Variants in FBXW11 observed in about 807,000 individuals in gnomAD.
The protein encoded by FBXW11 is F-box and WD repeat domain containing 11, also known as F-box/WD repeat-containing protein 11.
In FBXW11, 19 loss-of-function variants were observed where a neutral mutation model predicts 77.6. The ratio of observed to expected loss-of-function variants is 0.24; its 90% confidence interval spans 0.17 to 0.36. The LOEUF is 0.36. Ranked by LOEUF, FBXW11 falls within the 10% of genes least tolerant of loss-of-function variation. FBXW11 has a pLI of 1.00. For synonymous variants in FBXW11, 235 were observed against 249.4 expected (o/e 0.94, Z 0.54); for missense variants, 334 against 704.2 (o/e 0.47, Z 5.95).
At chr5:171,974,804 G>C (rs1764731644) in intron 1 of FBXW11, among the ~76,000 whole-genome samples, 1 of 152,104 alleles carries the variant, frequency 6.6e-6, no homozygotes, top group African/African-American at 2.4e-5. Flanking sequence ...CTAACACTAT[G>C]TGACCTCTTT....
At chr5:171,992,466 G>A (rs1478051505) in intron 1 of FBXW11, among the ~76,000 whole-genome samples, 4 of 148,438 alleles carry the variant, frequency 2.7e-5, no homozygotes, top group Admixed American at 6.8e-5. Context: ...GAGAGAGGAA[G>A]AACGAAAGAA....
At chr5:171,917,505 T>C (rs1353992966) in intron 2 of FBXW11, among the ~76,000 whole-genome samples, 1 of 152,154 alleles carries the variant, frequency 6.6e-6, no homozygotes, top group Non-Finnish European at 1.5e-5. Flanking sequence ...TAAAGAAGGC[T>C]AGACATACAA....
chr5:171,956,063 A>G (rs146252202), intron 2 of FBXW11, among the ~76,000 whole-genome samples: 4 of 152,294 alleles, frequency 2.6e-5, no homozygotes, highest in African/African-American at 9.6e-5. Context: ...CTCACTAACA[A>G]CTACAATTTT....
At chr5:171,952,447 A>ATATATATATATATAT (rs1200841290) in intron 2 of FBXW11, among the ~76,000 whole-genome samples, 1 of 6,942 alleles carries the variant, frequency 1.4e-4, no homozygotes, top group Non-Finnish European at 3.2e-4. Flanking sequence ...ATATATATAT[A>ATATATATATATATAT]TTTTTTTTTT....
chr5:171,954,284 A>G (rs1763507410), intron 2 of FBXW11, among the ~76,000 whole-genome samples: 1 of 152,222 alleles, frequency 6.6e-6, no homozygotes, highest in Non-Finnish European at 1.5e-5. Flanking sequence ...CATCCAGATT[A>G]TGTTCCTAAC....
chr5:171,994,996 C>A (rs925610543), intron 1 of FBXW11, among the ~76,000 whole-genome samples: 67 of 152,070 alleles, frequency 4.4e-4, no homozygotes, highest in African/African-American at 1.5e-3. Context: ...CACAATCTCA[C>A]CAGAGGAGAA....
intron 1 of FBXW11, among the ~76,000 whole-genome samples, chr5:171,958,091 T>C: frequency 6.6e-6 from 1 of 152,210 alleles, no homozygotes; most frequent in Non-Finnish European, 1.5e-5. Flanking sequence ...CATCGTTGTT[T>C]AAGAACCTAC....
Position 171,956,821 on chromosome 5 carries a change from A to G in FBXW11, c.147+776T>C, listed in dbSNP as rs984038920. Reference sequence around the variant, plus strand: ...AACTGAATATTGCTACTGAAACCATATTTAATTAAACACATGCTTGCTCAG... The same window carrying G: ...AACTGAATATTGCTACTGAAACCATGTTTAATTAAACACATGCTTGCTCAG... On this transcript the variant is annotated intron_variant, in intron 2 of 13. Coordinates refer to ENST00000517395, the MANE Select transcript of FBXW11 (RefSeq NM_001378974.1). Among the ~76,000 whole-genome samples, 8 of 152,202 alleles carry G rather than the reference A, an allele frequency of 5.3e-5. No individual in the cohort carries two copies. In the South Asian group the frequency reaches 6.2e-4, roughly 12 times the overall value.
chr5:171,984,404 G>A (rs1429170708), intron 1 of FBXW11, among the ~76,000 whole-genome samples: 2 of 152,198 alleles, frequency 1.3e-5, no homozygotes, highest in Non-Finnish European at 2.9e-5. Flanking sequence ...ACAGTAGCCA[G>A]GCATGGCTTG....
chr5:171,898,653 A>G (rs558320160), intron 6 of FBXW11, among the ~76,000 whole-genome samples: 1 of 152,182 alleles, frequency 6.6e-6, no homozygotes, highest in Non-Finnish European at 1.5e-5. Context: ...TTCTCTAGAG[A>G]TGGCTCAAAA....
chr5:171,919,649 A>G (rs1561683999), intron 2 of FBXW11, among the ~76,000 whole-genome samples: 1 of 152,220 alleles, frequency 6.6e-6, no homozygotes, highest in Non-Finnish European at 1.5e-5. Flanking sequence ...ATGACCTTGT[A>G]TGATAGCACC....
Position 171,876,012 on chromosome 5 carries a change from A to G in FBXW11, c.1221+273T>C, listed in dbSNP as rs185302996. On this transcript the variant is annotated intron_variant, in intron 9 of 13. Transcript: ENST00000517395. The surrounding 1 kb of genome is among the most constrained non-coding windows in gnomAD (Gnocchi z 4.2). ...ATGTAAAGCTCCCAACACACAATAC[A>G]TGATCAACACGTTAGCACTCTTCCC... Among the ~76,000 whole-genome samples the G allele has an allele frequency of 6.6e-6, 1 of 152,286 alleles. No individual in the cohort carries two copies. Among genetic ancestry groups the G allele is most frequent in the Non-Finnish European group, 1.5e-5 (1 of 68,020 alleles).
chr5:171,996,776 A>C (rs543019824), intron 1 of FBXW11: 1 of 706,442 alleles, frequency 1.4e-6, no homozygotes, highest in East Asian at 6.6e-5. Flanking sequence ...ACAAACGTCT[A>C]ATATTTCTCC....
At chr5:171,997,885 T>C (rs1766155427) in intron 1 of FBXW11, among the ~76,000 whole-genome samples, 1 of 152,198 alleles carries the variant, frequency 6.6e-6, no homozygotes, top group South Asian at 2.1e-4. Context: ...ACTTCCACAA[T>C]TGCTACATTA....
intron 2 of FBXW11, among the ~76,000 whole-genome samples, chr5:171,922,704 G>T (rs1242616362): frequency 6.6e-6 from 1 of 152,142 alleles, no homozygotes; most frequent in African/African-American, 2.4e-5. Flanking sequence ...TCCATTAGGA[G>T]TTTGGTTGAA....
At chr5:171,900,222 A>T (rs532688913) in intron 4 of FBXW11, 122 bp from the exon 5 acceptor site, 24 of 798,884 alleles carry the variant, frequency 3.0e-5, no homozygotes, top group Non-Finnish European at 4.3e-5. Flanking sequence ...TAGTCATATC[A>T]AAAGTTCTAC....
chr5:171,916,636 T>G (rs1262408747), intron 2 of FBXW11, among the ~76,000 whole-genome samples: 1 of 152,198 alleles, frequency 6.6e-6, no homozygotes, highest in Non-Finnish European at 1.5e-5. Context: ...GCAAGCAGGT[T>G]TCCTCAGGGG....
intron 9 of FBXW11, among the ~76,000 whole-genome samples, chr5:171,875,338 G>A (rs544269704): frequency 6.6e-6 from 1 of 152,212 alleles, no homozygotes; most frequent in Admixed American, 6.5e-5. Context: ...TATGCTAAGT[G>A]AAAGCAGCGA....
intron 2 of FBXW11, among the ~76,000 whole-genome samples, chr5:171,946,506 T>C (rs1245196574): frequency 6.6e-6 from 1 of 152,112 alleles, no homozygotes; most frequent in Non-Finnish European, 1.5e-5. Flanking sequence ...CCTGATTTCA[T>C]CTCCTACTAC....
Sources: allele counts gnomAD v4.1 joint callset (sites outside exome capture counted in the v4.1 genomes callset), GRCh38; gene constraint gnomAD v4.1.1; non-coding constraint Gnocchi (gnomAD v3.1); transcripts MANE v1.5; gene names NCBI Gene and HGNC (gene_info 2026-07-23, HGNC 2026-07-21).